Variants in GALNTL6 observed in about 807,000 individuals in gnomAD.
The protein encoded by GALNTL6 is polypeptide N-acetylgalactosaminyltransferase like 6, also known as polypeptide N-acetylgalactosaminyltransferase-like 6.
In GALNTL6, 46 loss-of-function variants were observed where a neutral mutation model predicts 73.7. The observed-to-expected ratio is 0.62, with a 90% CI of 0.49 to 0.80. GALNTL6 has a LOEUF of 0.80. GALNTL6 is among the 30% of genes least tolerant of loss of function. GALNTL6 has a pLI of 0.00. For missense variants in GALNTL6, 604 were observed against 755.0 expected, an observed-to-expected ratio of 0.80 and a Z score of 2.34; for synonymous variants, 259 against 263.7, an observed-to-expected ratio of 0.98 and a Z score of 0.17.
chr4:171,988,159 G>T (rs1740170946), intron 2 of GALNTL6, among the ~76,000 whole-genome samples: 1 of 152,212 alleles, frequency 6.6e-6, no homozygotes, highest in African/African-American at 2.4e-5. Flanking sequence ...AGGTCAAGTT[G>T]TTTGGACAGA....
At chr4:172,228,357 C>A (rs1039191765) in intron 2 of GALNTL6, among the ~76,000 whole-genome samples, 3 of 151,996 alleles carry the variant, frequency 2.0e-5, no homozygotes, top group Admixed American at 1.3e-4. Flanking sequence ...TTATGAGCAA[C>A]AAATTCTTTG....
In GALNTL6 at chr4:172,004,923, A is replaced by G. The variant is rs1193617248; in HGVS notation, c.138+190205A>G. ...AAAAGAAGAAAAAGTTTGGAACCTT[A>G]GATTTAACTCATTTCTGGATAGATT... On this transcript the variant is annotated intron_variant, in intron 2 of 12. Coordinates refer to ENST00000506823, the MANE Select transcript of GALNTL6 (RefSeq NM_001034845.3). Among the ~76,000 whole-genome samples, 3 of 151,420 alleles carry G rather than the reference A, an allele frequency of 2.0e-5. No homozygotes were observed. In the East Asian group the frequency reaches 5.8e-4, roughly 29 times the overall value.
intron 2 of GALNTL6, among the ~76,000 whole-genome samples, chr4:172,164,751 G>T (rs751892380): frequency 1.3e-5 from 2 of 152,020 alleles, no homozygotes; most frequent in African/African-American, 4.8e-5. Context: ...GTTTCCAAAT[G>T]ATTGAGTTTT....
intron 5 of GALNTL6, among the ~76,000 whole-genome samples, chr4:172,687,048 G>A (rs12649195): frequency 0.011 from 1,741 of 152,260 alleles, 58 homozygotes; most frequent in Admixed American, 0.061. Context: ...CCAAGGTCAC[G>A]AAGCCAGTAA....
chr4:172,086,315 T>A (rs1579123906), intron 2 of GALNTL6, among the ~76,000 whole-genome samples: 1 of 152,142 alleles, frequency 6.6e-6, no homozygotes, highest in Non-Finnish European at 1.5e-5. Context: ...AAACATCGTG[T>A]CTGAAGCATT....
At chr4:172,568,757 C>CAAAAAAAAA (rs71592082) in intron 5 of GALNTL6, among the ~76,000 whole-genome samples, 3 of 67,058 alleles carry the variant, frequency 4.5e-5, no homozygotes, top group Admixed American at 2.2e-4. Context: ...GACTCCATCT[C>CAAAAAAAAA]AAAAAAAAAA....
intron 2 of GALNTL6, among the ~76,000 whole-genome samples, chr4:171,937,848 G>T (rs929367174): frequency 2.9e-4 from 44 of 152,106 alleles, no homozygotes; most frequent in African/African-American, 1.0e-3. Flanking sequence ...AATAAACATG[G>T]AAAAATAGTT....
chr4:171,996,002 A>G (rs1191641906), intron 2 of GALNTL6, among the ~76,000 whole-genome samples: 6 of 152,078 alleles, frequency 3.9e-5, no homozygotes, highest in Non-Finnish European at 7.4e-5. Context: ...TTCATTTTCC[A>G]TTAAGATTCA....
chr4:172,762,506 C>T (rs1391425579), intron 5 of GALNTL6, among the ~76,000 whole-genome samples: 1 of 151,846 alleles, frequency 6.6e-6, no homozygotes, highest in Non-Finnish European at 1.5e-5. Flanking sequence ...TGGAAAATCC[C>T]CAGGCTCTGT....
chr4:172,370,266 C>T (rs923039231), intron 5 of GALNTL6, among the ~76,000 whole-genome samples: 5 of 151,896 alleles, frequency 3.3e-5, no homozygotes, highest in Admixed American at 6.6e-5. Context: ...TTGATGGCCT[C>T]GATTCTAGCG....
chr4:172,533,748 A>G (rs1042674264), intron 5 of GALNTL6, among the ~76,000 whole-genome samples: 2 of 152,126 alleles, frequency 1.3e-5, no homozygotes, highest in African/African-American at 4.8e-5. Context: ...AGCTTTTTCT[A>G]TTTCCTCATG....
intron 7 of GALNTL6, among the ~76,000 whole-genome samples, chr4:172,830,225 T>A (rs934783567): frequency 6.6e-6 from 1 of 152,218 alleles, no homozygotes; most frequent in East Asian, 1.9e-4. Context: ...TTCTTATATA[T>A]AATCAGGGCC....
intron 10 of GALNTL6, among the ~76,000 whole-genome samples, chr4:172,952,765 C>T (rs1443028781): frequency 6.6e-6 from 1 of 152,222 alleles, no homozygotes; most frequent in Non-Finnish European, 1.5e-5. Context: ...ATCCTCCTGC[C>T]TTGGCCTCCC....
chr4:172,258,632 C>G (rs561679332), intron 3 of GALNTL6, among the ~76,000 whole-genome samples: 1 of 151,256 alleles, frequency 6.6e-6, no homozygotes, highest in African/African-American at 2.4e-5. Context: ...TTTCAGGGAA[C>G]AGGTGGTTTT....
chr4:172,670,622 T>C (rs1169618364), intron 5 of GALNTL6, among the ~76,000 whole-genome samples: 1 of 152,190 alleles, frequency 6.6e-6, no homozygotes, highest in East Asian at 1.9e-4. Context: ...TTGCTGATAG[T>C]TTCTTTTGTT....
At chr4:171,908,405 A>C (rs1737366436) in intron 2 of GALNTL6, among the ~76,000 whole-genome samples, 1 of 152,188 alleles carries the variant, frequency 6.6e-6, no homozygotes, top group Non-Finnish European at 1.5e-5. Context: ...AATGCTCACC[A>C]TCACTGGCCA....
chr4:171,872,886 C>G (rs1016836254), intron 2 of GALNTL6, among the ~76,000 whole-genome samples: 2 of 152,120 alleles, frequency 1.3e-5, no homozygotes, highest in African/African-American at 4.8e-5. Context: ...CATAATTCAA[C>G]CCATAACGCT....
chr4:173,035,506 G>T (rs1753660407), intron 12 of GALNTL6, among the ~76,000 whole-genome samples: 1 of 152,084 alleles, frequency 6.6e-6, no homozygotes. Context: ...TTTACCTATT[G>T]GTCTCCCCTA....
rs1012657701 is a variant in GALNTL6 at position 172,341,667 on chromosome 4, A to G, written c.387-6856A>G. ...CACGAGATCTAATGGTGTGAAAAAC[A>G]GGAGTTTCTCTGCACAGGCTCTCCT... On this transcript the variant is annotated intron_variant, in intron 4 of 12. Transcript: ENST00000506823. 5.9e-5 allele frequency among the ~76,000 whole-genome samples: 9 copies of G among 152,210 alleles called. No individual in the cohort carries two copies. In the East Asian group the frequency reaches 1.4e-3, roughly 23 times the overall value.
Sources: gnomAD v4.1 joint callset for allele counts (sites outside exome capture counted in the v4.1 genomes callset) on GRCh38, gnomAD v4.1.1 for gene constraint, MANE v1.5 for transcripts, NCBI Gene and HGNC (gene_info 2026-07-23, HGNC 2026-07-21) for gene names.